SPMIP2: variants seen among roughly 807,000 people sequenced by gnomAD.
SPMIP2 encodes the protein protein SPMIP2.
At chr4:159,082,457 G>GTA in the SPMIP2 span, among the ~76,000 whole-genome samples, 1 of 146,602 alleles carries the variant, frequency 6.8e-6, no homozygotes, top group South Asian at 2.3e-4. Context: ...CTCTGTGTGT[G>GTA]TGTGTGTGTG....
At chr4:158,989,880 A>G in the SPMIP2 span, among the ~76,000 whole-genome samples, 1 of 152,240 alleles carries the variant, frequency 6.6e-6, no homozygotes, top group Non-Finnish European at 1.5e-5. Context: ...AAATTGACAA[A>G]TGGGATCTAA....
chr4:158,991,758 ACT>A, the SPMIP2 span, among the ~76,000 whole-genome samples: 1 of 151,798 alleles, frequency 6.6e-6, no homozygotes. Context: ...CATTTACAAA[ACT>A]CTCTCATAAG....
the SPMIP2 span, among the ~76,000 whole-genome samples, chr4:159,003,268 C>T: frequency 1.3e-5 from 2 of 152,168 alleles, no homozygotes; most frequent in South Asian, 4.1e-4. Context: ...ATGGGCCATA[C>T]TCCAGCTGAA....
At chr4:159,066,464 CT>C in the SPMIP2 span, among the ~76,000 whole-genome samples, 1 of 151,780 alleles carries the variant, frequency 6.6e-6, no homozygotes, top group African/African-American at 2.4e-5. Context: ...AATTCAGAAC[CT>C]TCAAAAAGCT....
chr4:158,921,176 A>C, the SPMIP2 span, among the ~76,000 whole-genome samples: 3 of 152,126 alleles, frequency 2.0e-5, no homozygotes, highest in African/African-American at 7.2e-5. Flanking sequence ...CAGTGGCTCA[A>C]GCCTGTAATC....
the SPMIP2 span, among the ~76,000 whole-genome samples, chr4:159,072,660 G>A: frequency 5.3e-5 from 8 of 151,614 alleles, no homozygotes; most frequent in African/African-American, 1.5e-4. Flanking sequence ...ATGGGGTTTC[G>A]CCATATTGCC....
the SPMIP2 span, among the ~76,000 whole-genome samples, chr4:158,916,739 G>A: frequency 6.6e-6 from 1 of 152,122 alleles, no homozygotes; most frequent in African/African-American, 2.4e-5. Context: ...CACCTCCCAG[G>A]TTCAATCAAT....
chr4:159,079,017 C>T, the SPMIP2 span, among the ~76,000 whole-genome samples: 3 of 152,106 alleles, frequency 2.0e-5, no homozygotes, highest in South Asian at 4.2e-4. Flanking sequence ...ACTCAGGAAG[C>T]TGAGACAGGA....
At chr4:159,060,084 C>T in the SPMIP2 span, among the ~76,000 whole-genome samples, 1 of 152,142 alleles carries the variant, frequency 6.6e-6, no homozygotes, top group African/African-American at 2.4e-5. Flanking sequence ...GTGCAGTGCA[C>T]CAGCCATTGA....
chr4:159,028,049 T>C, the SPMIP2 span, among the ~76,000 whole-genome samples: 1 of 152,144 alleles, frequency 6.6e-6, no homozygotes, highest in Non-Finnish European at 1.5e-5. Context: ...TAGTCAGTAA[T>C]CTGGATGTAA....
the SPMIP2 span, chr4:159,007,416 T>G: frequency 3.0e-6 from 2 of 667,196 alleles, no homozygotes; most frequent in Non-Finnish European, 5.7e-6. Context: ...AATGAGAAGG[T>G]CCTGTTCCTG....
chr4:158,937,454 A>C, the SPMIP2 span: 1 of 154,364 alleles, frequency 6.5e-6, no homozygotes, highest in Admixed American at 6.5e-5. Flanking sequence ...GCTTATAGAG[A>C]TTTATCTAGA....
chr4:158,914,960 T>G, the SPMIP2 span, among the ~76,000 whole-genome samples: 1 of 152,214 alleles, frequency 6.6e-6, no homozygotes, highest in Non-Finnish European at 1.5e-5. Context: ...CAACCTCTTG[T>G]TTTCTTTAAC....
At chr4:159,012,990 AACTTT>A in the SPMIP2 span, among the ~76,000 whole-genome samples, 1 of 152,254 alleles carries the variant, frequency 6.6e-6, no homozygotes, top group South Asian at 2.1e-4. Flanking sequence ...AAAGCAAATT[AACTTT>A]ACATGTTTGA....
At chr4:159,079,556 A>G in the SPMIP2 span, among the ~76,000 whole-genome samples, 1 of 152,350 alleles carries the variant, frequency 6.6e-6, no homozygotes, top group African/African-American at 2.4e-5. Flanking sequence ...TTTCTGTTCA[A>G]GAAGTCTTCT....
the SPMIP2 span, among the ~76,000 whole-genome samples, chr4:158,933,352 A>G: frequency 1.3e-5 from 2 of 152,092 alleles, no homozygotes; most frequent in African/African-American, 2.4e-5. Context: ...TTTTTAGAGG[A>G]GCATATTTTT....
the SPMIP2 span, among the ~76,000 whole-genome samples, chr4:158,936,346 C>T: frequency 6.6e-6 from 1 of 152,100 alleles, no homozygotes; most frequent in Non-Finnish European, 1.5e-5. Flanking sequence ...TGGAAACTTC[C>T]CTTTAGGACT....
At chr4:159,037,283 T>C in the SPMIP2 span, among the ~76,000 whole-genome samples, 1 of 152,208 alleles carries the variant, frequency 6.6e-6, no homozygotes, top group Non-Finnish European at 1.5e-5. Flanking sequence ...ATTCCACTAA[T>C]TGAAGACATA....
chr4:159,067,223 A>G, the SPMIP2 span, among the ~76,000 whole-genome samples: 1 of 119,986 alleles, frequency 8.3e-6, no homozygotes, highest in Non-Finnish European at 2.0e-5. Flanking sequence ...ATGAGAATCT[A>G]TTTAAAAAAA....
Sources: gnomAD v4.1 joint callset for allele counts (sites outside exome capture counted in the v4.1 genomes callset) on GRCh38, gnomAD v4.1.1 for gene constraint, MANE v1.5 for transcripts, NCBI Gene and HGNC (gene_info 2026-07-23, HGNC 2026-07-21) for gene names.